Variants in PALS1 observed in about 807,000 individuals in gnomAD.
PALS1 encodes the protein protein associated with LIN7 1, MAGUK p55 family member, also known as protein PALS1.
In PALS1, 31 loss-of-function variants were observed where a neutral mutation model predicts 78.9. The ratio of observed to expected loss-of-function variants is 0.39; its 90% CI spans 0.30 to 0.53. The LOEUF (loss-of-function observed/expected upper bound fraction) is 0.53, where lower values mean the gene tolerates loss of function less well. Among genes scored for constraint, PALS1 ranks in the 20% least tolerant of loss-of-function variants. The pLI, the probability that PALS1 is intolerant of heterozygous loss-of-function variation, is 0.67. For missense variants in PALS1, 704 were observed against 826.5 expected, an observed-to-expected ratio of 0.85 and a Z score of 1.82; for synonymous variants, 276 against 270.9, an observed-to-expected ratio of 1.02 and a Z score of -0.18.
chr14:67,287,599 T>C (rs1232369346), intron 3 of PALS1, among the ~76,000 whole-genome samples: 1 of 152,212 alleles, frequency 6.6e-6, no homozygotes, highest in African/African-American at 2.4e-5. Context: ...TGTGCAACGC[T>C]GGTAGGGGTA....
intron 8 of PALS1, among the ~76,000 whole-genome samples, chr14:67,304,266 C>T (rs1318098149): frequency 6.6e-6 from 1 of 152,096 alleles, no homozygotes; most frequent in Non-Finnish European, 1.5e-5. Context: ...GTCTCCATTA[C>T]CATACAGTCA....
chr14:67,330,454 CAT>C (rs1491172727), intron 14 of PALS1, among the ~76,000 whole-genome samples: 1 of 136,886 alleles, frequency 7.3e-6, no homozygotes, highest in African/African-American at 3.0e-5. Flanking sequence ...AATTTCCCTT[CAT>C]TTTTTTTTTT....
At chr14:67,283,237 T>C (rs1433254234) in intron 3 of PALS1, among the ~76,000 whole-genome samples, 1 of 152,164 alleles carries the variant, frequency 6.6e-6, no homozygotes, top group Non-Finnish European at 1.5e-5. Context: ...ATTAATAGCA[T>C]GTTTCAGTCT....
intron 1 of PALS1, among the ~76,000 whole-genome samples, chr14:67,244,402 C>T (rs2083954737): frequency 6.6e-6 from 1 of 152,174 alleles, no homozygotes; most frequent in Admixed American, 6.5e-5. Context: ...ACATTCTTGC[C>T]CACACTGGGC....
chr14:67,286,343 ATTTCTTCT>A (rs1247705015), intron 3 of PALS1, among the ~76,000 whole-genome samples: 2 of 151,800 alleles, frequency 1.3e-5, no homozygotes, highest in East Asian at 3.9e-4. Context: ...GGGGAAGGGA[ATTTCTTCT>A]CTCTGTCCTC....
In PALS1 at chr14:67,321,220, C is replaced by A. The variant is rs370540424; in HGVS notation, c.1701C>A (p.Ile567=). Residue 567 remains isoleucine, a synonymous_variant, in exon 13 of 15, where the codon ATC becomes ATA. Transcript: ENST00000261681. ...GTSIDSVRQV[I]NSGKICLLSL... ...GCATAGATTCTGTACGGCAAGTGAT[C>A]AACTCTGGCAAAATATGTCTTTTAA... 2 of 1,614,120 alleles carry A rather than the reference C, an allele frequency of 1.2e-6. No individual in the cohort carries two copies. Among genetic ancestry groups the A allele is most frequent in the African/African-American group, 2.7e-5 (2 of 75,046 alleles).
At chr14:67,321,313 G>C (rs2085261367) in intron 13 of PALS1, 54 bp downstream of exon 13, 3 of 1,545,608 alleles carry the variant, frequency 1.9e-6, no homozygotes, top group Non-Finnish European at 2.7e-6. Context: ...GTCATATAGA[G>C]TAATCTAGTG....
intron 9 of PALS1, among the ~76,000 whole-genome samples, chr14:67,314,919 C>G (rs893814767): frequency 1.3e-4 from 20 of 151,902 alleles, no homozygotes; most frequent in African/African-American, 4.4e-4. Flanking sequence ...AGTGGCATAG[C>G]TGACATAATG....
At chr14:67,290,563 A>C (rs541585534) in intron 3 of PALS1, among the ~76,000 whole-genome samples, 1 of 152,324 alleles carries the variant, frequency 6.6e-6, no homozygotes, top group Admixed American at 6.5e-5. Flanking sequence ...ATTTTTAAAA[A>C]TTATTGTTAT....
At chr14:67,249,794 T>G (rs1273288830) in intron 1 of PALS1, among the ~76,000 whole-genome samples, 3 of 152,182 alleles carry the variant, frequency 2.0e-5, no homozygotes, top group Non-Finnish European at 1.5e-5. Context: ...ATACATTATT[T>G]TGTTTTGATG....
chr14:67,249,728 A>G (rs962707819), intron 1 of PALS1, among the ~76,000 whole-genome samples: 2 of 152,232 alleles, frequency 1.3e-5, no homozygotes, highest in Middle Eastern at 3.2e-3. Context: ...GTGTGAAAAC[A>G]TTATATTTTG....
intron 1 of PALS1, among the ~76,000 whole-genome samples, chr14:67,268,560 G>A (rs975583858): frequency 6.6e-6 from 1 of 152,212 alleles, no homozygotes; most frequent in African/African-American, 2.4e-5. Flanking sequence ...GCAATTCGCA[G>A]AACTGAGGGT....
At chr14:67,318,362 G>A (rs1404928192) in intron 11 of PALS1, among the ~76,000 whole-genome samples, 2 of 152,120 alleles carry the variant, frequency 1.3e-5, no homozygotes, top group African/African-American at 2.4e-5. Context: ...CTAATTGACA[G>A]ATTATGTAAC....
intron 1 of PALS1, among the ~76,000 whole-genome samples, chr14:67,259,205 A>C (rs1481754728): frequency 2.2e-5 from 3 of 137,616 alleles, no homozygotes; most frequent in Non-Finnish European, 3.3e-5. Context: ...TATATATAAC[A>C]TATACACATG....
chr14:67,295,104 AGTG>A (rs1445906887), intron 4 of PALS1: 1 of 138,012 alleles, frequency 7.2e-6, no homozygotes. Flanking sequence ...GAGATATTGA[AGTG>A]TGTGTGTGTG....
intron 1 of PALS1, among the ~76,000 whole-genome samples, chr14:67,255,081 G>T (rs917055308): frequency 6.6e-6 from 1 of 152,046 alleles, no homozygotes; most frequent in Non-Finnish European, 1.5e-5. Context: ...CCTGGGAGGC[G>T]GAGGTTGCAG....
In PALS1 at chr14:67,323,259, GTGTA is replaced by G. The variant is rs762339019; in HGVS notation, c.1741-441_1741-438del. Among the ~76,000 whole-genome samples, 223 of 125,194 alleles carry G rather than the reference GTGTA, an allele frequency of 1.8e-3. 1 individual carries two copies. The highest frequency in any genetic ancestry group is 8.7e-3 in the Middle Eastern group (2 of 230). 82.1% of individuals were successfully genotyped at this position (125,194 alleles called of 152,430 possible). A position where few individuals can be genotyped will look rare whatever the true frequency, so the allele number is the denominator to read the frequency against. ...TGTGTGTGTGTGTGTGTGTGTGTGT[GTGTA>G]TATATATATATGGCTTCACAGTATA... On this transcript the variant is annotated intron_variant, in intron 13 of 14. Transcript: ENST00000261681.
chr14:67,328,678 T>A (rs1182662465), intron 14 of PALS1, among the ~76,000 whole-genome samples: 1 of 152,212 alleles, frequency 6.6e-6, no homozygotes, highest in East Asian at 1.9e-4. Flanking sequence ...AGGGATCCAG[T>A]TTCAGCTTTC....
At chr14:67,328,922 G>A (rs948949348) in intron 14 of PALS1, among the ~76,000 whole-genome samples, 1 of 152,148 alleles carries the variant, frequency 6.6e-6, no homozygotes, top group Non-Finnish European at 1.5e-5. Context: ...GATGCCTTCA[G>A]CTTTATTCTT....
Sources: allele counts gnomAD v4.1 joint callset (sites outside exome capture counted in the v4.1 genomes callset), GRCh38; gene constraint gnomAD v4.1.1; transcripts MANE v1.5; gene names NCBI Gene and HGNC (gene_info 2026-07-23, HGNC 2026-07-21).